The following ANKS1B variants were observed in gnomAD, a reference collection of about 807,000 sequenced individuals.
The protein encoded by ANKS1B is ankyrin repeat and sterile alpha motif domain containing 1B, also known as ankyrin repeat and sterile alpha motif domain-containing protein 1B.
A neutral mutation model predicts 148.3 loss-of-function variants in ANKS1B; 36 were observed. The observed-to-expected ratio is 0.24, with a 90% CI of 0.19 to 0.32. The LOEUF is 0.32. Ranked by LOEUF, ANKS1B falls within the 10% of genes least tolerant of loss-of-function variation. The pLI, the probability that ANKS1B is intolerant of heterozygous loss-of-function variation, is 1.00. For missense variants in ANKS1B, 1,157 were observed against 1,542.6 expected, an observed-to-expected ratio of 0.75 and a Z score of 4.19; for synonymous variants, 542 against 560.8, an observed-to-expected ratio of 0.97 and a Z score of 0.47.
chr12:99,976,952 C>G (rs1450305678), intron 1 of ANKS1B, among the ~76,000 whole-genome samples: 1 of 152,156 alleles, frequency 6.6e-6, no homozygotes, highest in African/African-American at 2.4e-5. Flanking sequence ...TGAGGACCTT[C>G]TTATTGCATC....
At position 99,656,245 on chromosome 12, in the gene ANKS1B, G is replaced by T. The variant is rs142858490; in HGVS notation, c.1129-1035C>A. ...TTGCATTAGACAACATGGCAGCACG[G>T]TTTATATTCCCAGATAAACAACTAG... is the stretch of plus-strand genomic sequence containing the variant. On this transcript the variant is annotated intron_variant, in intron 8 of 26. Transcript: ENST00000683438. 1.8e-3 allele frequency among the ~76,000 whole-genome samples: 272 copies of T among 152,172 alleles called. 1 individual carries two copies. The highest frequency in any genetic ancestry group is 6.2e-3 in the African/African-American group (259 of 41,534).
At chr12:99,105,121 C>T (rs2058858365) in intron 15 of ANKS1B, 1 of 152,118 alleles carries the variant, frequency 6.6e-6, no homozygotes, top group Non-Finnish European at 1.5e-5. Context: ...TAATGGGAGA[C>T]CATCTAGAAA....
Position 98,919,760 on chromosome 12 carries a change from G to T in ANKS1B, c.2779-87624C>A, listed in dbSNP as rs1340609782. On this transcript the variant is annotated intron_variant, in intron 17 of 26. Coordinates refer to ENST00000683438, the MANE Select transcript of ANKS1B (RefSeq NM_001352186.2). ...ATCTTTTCATAGGGTCCCTTTCCAA[G>T]TGTTATGACTGAATGGAAGCTGTGT... Among the ~76,000 whole-genome samples, 7 of 152,246 alleles carry T rather than the reference G, an allele frequency of 4.6e-5. No individual in the cohort carries two copies. The East Asian group carries it at 1.2e-3, about 25-fold the overall frequency.
At chr12:99,141,804 T>TA (rs1432833620) in intron 15 of ANKS1B, among the ~76,000 whole-genome samples, 1 of 152,096 alleles carries the variant, frequency 6.6e-6, no homozygotes, top group Non-Finnish European at 1.5e-5. Context: ...GTATATGTAC[T>TA]ACATTTTCTT....
In ANKS1B at chr12:99,163,055, CA is replaced by C. The variant is rs755439443; in HGVS notation, c.2420-8661del. Among the ~76,000 whole-genome samples, 1,140 of 117,274 alleles carry C rather than the reference CA, an allele frequency of 9.7e-3. 5 individuals are homozygous for C. The highest frequency in any genetic ancestry group is 0.053 in the South Asian group (202 of 3,822). 76.9% of individuals were successfully genotyped at this position (117,274 alleles called of 152,430 possible). ...CCTGGGCGACAGAGCGAGACTCTGTCAAAAAAAAAAAAAATTCTACTAAGTA... is the reference window on the plus strand; with the variant it reads ...CCTGGGCGACAGAGCGAGACTCTGTCAAAAAAAAAAAAATTCTACTAAGTA... On this transcript the variant is annotated intron_variant, in intron 14 of 26. Transcript: ENST00000683438.
chr12:99,532,985 T>A (rs975265634), intron 9 of ANKS1B, among the ~76,000 whole-genome samples: 4 of 152,214 alleles, frequency 2.6e-5, no homozygotes, highest in Non-Finnish European at 5.9e-5. Context: ...TTCTTTTTCC[T>A]TAGGACTGCT....
At chr12:98,980,561 G>C (rs1056013552) in intron 17 of ANKS1B, among the ~76,000 whole-genome samples, 1 of 152,128 alleles carries the variant, frequency 6.6e-6, no homozygotes, top group Non-Finnish European at 1.5e-5. Context: ...TGTCATTTCT[G>C]AATCTATTTC....
chr12:99,674,256 A>G (rs1333438539), intron 8 of ANKS1B, among the ~76,000 whole-genome samples: 4 of 151,870 alleles, frequency 2.6e-5, no homozygotes, highest in Admixed American at 1.3e-4. Context: ...GCTTTATATA[A>G]GTTATACATA....
intron 1 of ANKS1B, among the ~76,000 whole-genome samples, chr12:99,976,217 T>G (rs11110165): frequency 0.089 from 13,460 of 152,086 alleles, 749 homozygotes; most frequent in Non-Finnish European, 0.12. Context: ...GGGGGTAGAT[T>G]AAAAAACAGC....
chr12:99,453,113 A>AC (rs2095782568), intron 10 of ANKS1B, among the ~76,000 whole-genome samples: 1 of 151,966 alleles, frequency 6.6e-6, no homozygotes, highest in Non-Finnish European at 1.5e-5. Context: ...ACATGGTGAA[A>AC]CCCCGTCTCT....
chr12:99,955,357 G>A (rs1305412391), intron 1 of ANKS1B, among the ~76,000 whole-genome samples: 1 of 151,708 alleles, frequency 6.6e-6, no homozygotes, highest in Non-Finnish European at 1.5e-5. Context: ...GCCGGGCATG[G>A]TGGCGCGCGC....
chr12:98,745,703 G>A lies in ANKS1B; in HGVS notation c.*36C>T, dbSNP rs1442807805. On this transcript the variant is annotated 3_prime_UTR_variant, in exon 27 of 27. Transcript: ENST00000683438. ...AAAGCCTGCTCCGGGACCGCTTGGC[G>A]AGCAAGGCACCGCGAGGACAGGAGG... is the stretch of plus-strand genomic sequence containing the variant. 3.7e-6 allele frequency: 6 copies of A among 1,609,054 alleles called. No homozygotes were observed. The African/African-American group carries it at 6.7e-5, about 18-fold the overall frequency.
intron 2 of ANKS1B, among the ~76,000 whole-genome samples, chr12:99,824,965 A>T (rs1375954640): frequency 6.6e-6 from 1 of 152,184 alleles, no homozygotes; most frequent in East Asian, 1.9e-4. Flanking sequence ...TTGGGTGAAT[A>T]CAAGGAGACA....
chr12:98,932,944 C>G (rs1382895037), intron 17 of ANKS1B, among the ~76,000 whole-genome samples: 1 of 152,138 alleles, frequency 6.6e-6, no homozygotes, highest in East Asian at 1.9e-4. Context: ...AACACCTGAA[C>G]TATTTGACTT....
rs1273382175 is a variant in ANKS1B at position 99,355,218 on chromosome 12, T to C, written c.1756+44413A>G. Reference sequence around the variant, plus strand: ...AGAGAGCGGAATTGCTAAATCATGATACTAACTCCCATTTAATAAGGTGAC... The same window carrying C: ...AGAGAGCGGAATTGCTAAATCATGACACTAACTCCCATTTAATAAGGTGAC... On this transcript the variant is annotated intron_variant, in intron 12 of 26. Coordinates refer to ENST00000683438, the MANE Select transcript of ANKS1B (RefSeq NM_001352186.2). Among the ~76,000 whole-genome samples the C allele has an allele frequency of 2.0e-5, 3 of 152,100 alleles. No individual in the cohort carries two copies. The East Asian group carries it at 5.8e-4, about 29-fold the overall frequency.
At position 98,744,271 on chromosome 12, in the gene ANKS1B, G is replaced by A. The variant is rs1003980675; in HGVS notation, c.*1468C>T. The A allele has an allele frequency of 4.6e-5, 43 of 935,660 alleles. No individual in the cohort carries two copies. Among genetic ancestry groups the A allele is most frequent in the Admixed American group, 1.2e-4 (2 of 16,186 alleles). The allele number at this position is 935,660 out of a possible 1,614,324, so 58.0% of individuals were successfully genotyped here. A position where few individuals can be genotyped will look rare whatever the true frequency, so the allele number is the denominator to read the frequency against. The stretch of plus-strand genomic sequence containing the variant: ...AATTCTTCAACACTGAACTAAAACC[G>A]TATACATTTGTTAGTTTGAAATAAA... On this transcript the variant is annotated 3_prime_UTR_variant, in exon 27 of 27. Transcript: ENST00000683438.
intron 17 of ANKS1B, among the ~76,000 whole-genome samples, chr12:98,911,739 G>C (rs2099787138): frequency 6.6e-6 from 1 of 152,140 alleles, no homozygotes; most frequent in Admixed American, 6.5e-5. Flanking sequence ...TAACAACCCT[G>C]TGTATGCACC....
chr12:99,326,838 C>A (rs2086396671), intron 12 of ANKS1B, among the ~76,000 whole-genome samples: 1 of 150,532 alleles, frequency 6.6e-6, no homozygotes. Context: ...AGAGAGTTTT[C>A]CACATAAGGT....
chr12:99,896,574 A>G (rs1436869591), intron 1 of ANKS1B, among the ~76,000 whole-genome samples: 2 of 151,162 alleles, frequency 1.3e-5, no homozygotes, highest in African/African-American at 4.8e-5. Flanking sequence ...TTAAATATAT[A>G]AAGAGCCATC....
Sources: gnomAD v4.1 joint callset for allele counts (sites outside exome capture counted in the v4.1 genomes callset) on GRCh38, gnomAD v4.1.1 for gene constraint, MANE v1.5 for transcripts, NCBI Gene and HGNC (gene_info 2026-07-23, HGNC 2026-07-21) for gene names.